TMEM132B: variants seen among roughly 807,000 people sequenced by gnomAD.
TMEM132B encodes the protein transmembrane protein 132B.
A neutral mutation model predicts 90.8 loss-of-function variants in TMEM132B; 18 were observed. The ratio of observed to expected loss-of-function variants is 0.20; its 90% CI spans 0.14 to 0.29. The LOEUF (loss-of-function observed/expected upper bound fraction) is 0.29. TMEM132B is among the 10% of genes least tolerant of loss of function. The pLI is 1.00. For synonymous variants in TMEM132B, 504 were observed against 523.3 expected, an observed-to-expected ratio of 0.96 and a Z score of 0.50; for missense variants, 1,096 against 1,326.8, an observed-to-expected ratio of 0.83 and a Z score of 2.70.
intron 2 of TMEM132B, among the ~76,000 whole-genome samples, chr12:125,356,047 C>G (rs1877762953): frequency 6.6e-6 from 1 of 152,002 alleles, no homozygotes; most frequent in African/African-American, 2.4e-5. Context: ...TGGGGTAGGT[C>G]TTTGCTACAC....
At chr12:125,341,940 A>G (rs1386478609) in intron 1 of TMEM132B, among the ~76,000 whole-genome samples, 1 of 152,192 alleles carries the variant, frequency 6.6e-6, no homozygotes, top group Non-Finnish European at 1.5e-5. Flanking sequence ...CTATCTCTCT[A>G]CCAGTCTTCC....
In TMEM132B at chr12:125,221,510, A is replaced by G. The variant is rs565440817; in HGVS notation, c.67+34644A>G. 3.9e-5 allele frequency among the ~76,000 whole-genome samples: 6 copies of G among 152,364 alleles called. No individual in the cohort carries two copies. In the South Asian group the frequency reaches 1.2e-3, roughly 32 times the overall value. ...AAAAAGTTATTGGTTCTAAGATCTG[A>G]AAAGAAAATGGTAATATCAAAACAA... is the stretch of plus-strand genomic sequence containing the variant. On this transcript the variant is annotated intron_variant, in intron 1 of 8. Coordinates refer to ENST00000682704, the MANE Select transcript of TMEM132B (RefSeq NM_001366854.1).
chr12:125,337,579 A>G (rs1181632247), intron 1 of TMEM132B, among the ~76,000 whole-genome samples: 1 of 152,198 alleles, frequency 6.6e-6, no homozygotes, highest in African/African-American at 2.4e-5. Context: ...TCCCTGCCTG[A>G]GCAGCCATAT....
rs60316781 is a variant in TMEM132B, at chr12:125,277,502, A to AACACACACACACACACACACACACAC, written c.68-71948_68-71923dup. 3.6e-3 allele frequency among the ~76,000 whole-genome samples: 521 copies of AACACACACACACACACACACACACAC among 143,148 alleles called. 2 individuals are homozygous for AACACACACACACACACACACACACAC. Among genetic ancestry groups the AACACACACACACACACACACACACAC allele is most frequent in the Non-Finnish European group, 5.8e-3 (385 of 66,332 alleles). 93.9% of individuals were successfully genotyped at this position (143,148 alleles called of 152,430 possible). A position where few individuals can be genotyped will look rare whatever the true frequency, so the allele number is the denominator to read the frequency against. ...TCAAAAAAAAAAGATGAAGAGGGAG[A>AACACACACACACACACACACACACAC]ACACACACACACACACACACACACA... On this transcript the variant is annotated intron_variant, in intron 1 of 8. Coordinates refer to ENST00000682704, the MANE Select transcript of TMEM132B (RefSeq NM_001366854.1). The surrounding 1 kb of genome is among the most constrained non-coding windows in gnomAD (Gnocchi z 4.3).
chr12:125,347,054 CTTGA>C (rs994183245), intron 1 of TMEM132B, among the ~76,000 whole-genome samples: 14 of 152,184 alleles, frequency 9.2e-5, no homozygotes, highest in African/African-American at 2.9e-4. Context: ...TTCCTGATCT[CTTGA>C]TTATTTCCTT....
intron 5 of TMEM132B, among the ~76,000 whole-genome samples, chr12:125,609,892 G>A (rs891704803): frequency 4.9e-5 from 7 of 143,230 alleles, no homozygotes; most frequent in Non-Finnish European, 7.6e-5. Context: ...ATTTTCATTT[G>A]CTTATGTATT....
intron 5 of TMEM132B, among the ~76,000 whole-genome samples, chr12:125,595,411 G>T (rs185138584): frequency 1.1e-3 from 165 of 152,262 alleles, no homozygotes; most frequent in African/African-American, 3.6e-3. Context: ...CTTTCCGGGG[G>T]ATTTGGGGAA....
chr12:125,374,844 GA>G (rs1174756200), intron 2 of TMEM132B, among the ~76,000 whole-genome samples: 1 of 151,984 alleles, frequency 6.6e-6, no homozygotes, highest in East Asian at 1.9e-4. Context: ...GCTCCATACA[GA>G]AAAAAACCCT....
chr12:125,632,658 T>G (rs558540120), intron 5 of TMEM132B, among the ~76,000 whole-genome samples: 6 of 152,242 alleles, frequency 3.9e-5, no homozygotes. Flanking sequence ...TTGGCCAAGA[T>G]GTACTATTCT....
At chr12:125,188,060 C>T (rs1391708818) in intron 1 of TMEM132B, among the ~76,000 whole-genome samples, 2 of 152,194 alleles carry the variant, frequency 1.3e-5, no homozygotes, top group Non-Finnish European at 2.9e-5. Context: ...GGCATGTCAA[C>T]TTGATGTTCG....
intron 1 of TMEM132B, among the ~76,000 whole-genome samples, chr12:125,191,919 G>A (rs1457589836): frequency 1.3e-5 from 2 of 152,162 alleles, no homozygotes; most frequent in Non-Finnish European, 2.9e-5. Flanking sequence ...GGGGACTTCA[G>A]CAAGAAAGAG....
chr12:125,315,003 C>G (rs920829784), intron 1 of TMEM132B, among the ~76,000 whole-genome samples: 4 of 152,162 alleles, frequency 2.6e-5, no homozygotes, highest in Non-Finnish European at 4.4e-5. Context: ...ATTTAGTGCT[C>G]TGCTCTGGGT....
At chr12:125,420,526 G>A (rs574128911) in intron 3 of TMEM132B, among the ~76,000 whole-genome samples, 1 of 149,386 alleles carries the variant, frequency 6.7e-6, no homozygotes, top group East Asian at 1.9e-4. Context: ...GGGGATCCTG[G>A]GCCAGGCCCA....
chr12:125,341,847 G>A (rs530288426), intron 1 of TMEM132B, among the ~76,000 whole-genome samples: 18 of 152,282 alleles, frequency 1.2e-4, no homozygotes, highest in Non-Finnish European at 2.4e-4. Context: ...ATGAGGTAGC[G>A]TGTTGTGTAA....
intron 1 of TMEM132B, among the ~76,000 whole-genome samples, chr12:125,250,567 A>G (rs75149255): frequency 0.015 from 2,332 of 152,246 alleles, 37 homozygotes; most frequent in South Asian, 0.068. Context: ...CTTATCACCA[A>G]TTCCATCCAA....
At chr12:125,394,348 C>T (rs753034678) in intron 2 of TMEM132B, among the ~76,000 whole-genome samples, 11 of 152,148 alleles carry the variant, frequency 7.2e-5, no homozygotes, top group Non-Finnish European at 1.0e-4. Context: ...TAGGGGAGAG[C>T]GTTAAGGTGG....
At chr12:125,562,054 G>A (rs1486084936) in intron 4 of TMEM132B, among the ~76,000 whole-genome samples, 1 of 152,162 alleles carries the variant, frequency 6.6e-6, no homozygotes, top group African/African-American at 2.4e-5. Flanking sequence ...TTTAAGTATA[G>A]CCATCTTCAA....
chr12:125,241,587 A>G (rs1454111081), intron 1 of TMEM132B, among the ~76,000 whole-genome samples: 1 of 152,128 alleles, frequency 6.6e-6, no homozygotes, highest in Non-Finnish European at 1.5e-5. Flanking sequence ...GTGGGTTTCC[A>G]GCATCACCTT....
intron 1 of TMEM132B, among the ~76,000 whole-genome samples, chr12:125,254,724 C>T (rs1874396413): frequency 6.7e-6 from 1 of 149,358 alleles, no homozygotes; most frequent in Admixed American, 6.7e-5. Context: ...ACTCTTGTCA[C>T]CCAGGTTGGA....
Sources: allele counts gnomAD v4.1 joint callset (sites outside exome capture counted in the v4.1 genomes callset), GRCh38; gene constraint gnomAD v4.1.1; non-coding constraint Gnocchi (gnomAD v3.1); transcripts MANE v1.5; gene names NCBI Gene and HGNC (gene_info 2026-07-23, HGNC 2026-07-21).